GRIP1: variants seen among roughly 807,000 people sequenced by gnomAD.
GRIP1 encodes glutamate receptor interacting protein 1.
A neutral mutation model predicts 129.9 loss-of-function variants in GRIP1; 45 were observed. That is an observed-to-expected ratio of 0.35 (90% confidence interval 0.27 to 0.44). GRIP1 has a LOEUF of 0.44. Ranked by LOEUF, GRIP1 falls within the 20% of genes least tolerant of loss-of-function variation. GRIP1 has a pLI of 1.00. For synonymous variants in GRIP1, 530 were observed against 520.8 expected, an observed-to-expected ratio of 1.02 and a Z score of -0.24; for missense variants, 1,196 against 1,396.8, an observed-to-expected ratio of 0.86 and a Z score of 2.29.
intron 1 of GRIP1, among the ~76,000 whole-genome samples, chr12:67,058,719 C>T (rs1427076106): frequency 6.6e-6 from 1 of 152,194 alleles, no homozygotes; most frequent in African/African-American, 2.4e-5. Flanking sequence ...GCTGTTTAAC[C>T]ATTTCTATTT....
chr12:66,916,064 T>C (rs890811755), intron 1 of GRIP1, among the ~76,000 whole-genome samples: 2 of 152,352 alleles, frequency 1.3e-5, no homozygotes, highest in Admixed American at 6.5e-5. Context: ...TGCACGCATG[T>C]GTGGGCACAC....
intron 1 of GRIP1, among the ~76,000 whole-genome samples, chr12:66,748,088 G>A (rs1592804515): frequency 6.6e-6 from 1 of 151,712 alleles, no homozygotes; most frequent in Non-Finnish European, 1.5e-5. Flanking sequence ...GCACAATCTC[G>A]GCTCACTGCA....
At chr12:66,526,195 A>T (rs2061231872) in intron 5 of GRIP1, among the ~76,000 whole-genome samples, 2 of 150,872 alleles carry the variant, frequency 1.3e-5, no homozygotes, top group African/African-American at 4.9e-5. Flanking sequence ...GTTCATATGG[A>T]ACCAAAAAAG....
intron 1 of GRIP1, among the ~76,000 whole-genome samples, chr12:66,785,331 C>CATATATATATAT (rs1180271589): frequency 2.3e-3 from 81 of 34,980 alleles, no homozygotes; most frequent in African/African-American, 4.6e-3. Flanking sequence ...TACATACATA[C>CATATATATATAT]ATACATACAT....
intron 7 of GRIP1, among the ~76,000 whole-genome samples, chr12:66,477,051 T>A (rs1414148711): frequency 1.3e-5 from 2 of 152,126 alleles, no homozygotes; most frequent in Admixed American, 6.6e-5. Context: ...GAGAAATAAA[T>A]AAAGGGTATT....
intron 1 of GRIP1, among the ~76,000 whole-genome samples, chr12:66,650,965 T>G (rs978872969): frequency 1.3e-5 from 2 of 152,120 alleles, no homozygotes; most frequent in Admixed American, 1.3e-4. Flanking sequence ...AATATCCAAC[T>G]CATAGCACTG....
Position 66,981,381 on chromosome 12 carries a change from C to T in GRIP1, c.58+87669G>A, listed in dbSNP as rs572962404. On this transcript the variant is annotated intron_variant, in intron 1 of 1. Transcript: ENST00000643019. Reference sequence around the variant, plus strand: ...ATTTTTACATCTGTCTCCCTCAGAGCAACTTCCTTGGTTCCTTGCATAAAG... The same window carrying T: ...ATTTTTACATCTGTCTCCCTCAGAGTAACTTCCTTGGTTCCTTGCATAAAG... Among the ~76,000 whole-genome samples the T allele has an allele frequency of 2.0e-5, 3 of 152,326 alleles. No homozygotes were observed. The South Asian group carries it at 6.2e-4, about 32-fold the overall frequency.
At chr12:66,670,238 T>C (rs1276822656) in intron 1 of GRIP1, among the ~76,000 whole-genome samples, 2 of 152,214 alleles carry the variant, frequency 1.3e-5, no homozygotes, top group Non-Finnish European at 2.9e-5. Context: ...TTCAACTATT[T>C]TCTCCATATA....
At chr12:67,064,973 A>G (rs1218503144) in intron 1 of GRIP1, 2 of 137,226 alleles carry the variant, frequency 1.5e-5, no homozygotes, top group Non-Finnish European at 3.0e-5. Context: ...TCATTGTTCA[A>G]TTCCCACCTA....
chr12:67,068,856 C>T (rs1413852726), intron 1 of GRIP1, among the ~76,000 whole-genome samples: 6 of 56,688 alleles, frequency 1.1e-4, no homozygotes, highest in African/African-American at 4.5e-4. Context: ...TCATCCCGCC[C>T]CCCCCCCCCC....
intron 1 of GRIP1, among the ~76,000 whole-genome samples, chr12:66,720,254 T>C (rs1377873191): frequency 2.0e-5 from 3 of 152,182 alleles, no homozygotes; most frequent in African/African-American, 7.2e-5. Flanking sequence ...ACATTATATC[T>C]AAAAAGCAAT....
intron 5 of GRIP1, among the ~76,000 whole-genome samples, chr12:66,524,365 T>C (rs1370538733): frequency 6.6e-6 from 1 of 152,130 alleles, no homozygotes; most frequent in Admixed American, 6.5e-5. Flanking sequence ...GAACTCAGGA[T>C]TAAGAAACTC....
At chr12:66,369,084 T>C (rs1254866625) in intron 23 of GRIP1, among the ~76,000 whole-genome samples, 1 of 152,208 alleles carries the variant, frequency 6.6e-6, no homozygotes, top group African/African-American at 2.4e-5. Context: ...TTTAGAGCCT[T>C]ATTTTGTTGG....
intron 1 of GRIP1, among the ~76,000 whole-genome samples, chr12:66,652,161 G>A (rs1421775911): frequency 6.6e-6 from 1 of 152,128 alleles, no homozygotes; most frequent in Non-Finnish European, 1.5e-5. Context: ...AAATGGGTTG[G>A]CTGTGTCCCC....
rs978013900 is a variant in GRIP1 at position 66,584,797 on chromosome 12, C to G, written c.136+12050G>C. On this transcript the variant is annotated intron_variant, in intron 2 of 24. Coordinates refer to ENST00000359742, the MANE Select transcript of GRIP1 (RefSeq NM_001366722.1). ...CTCTGACAGTGTCCTAGGTAATCCA[C>G]TCTCCCAGTCTTTGAAATGATACCT... Among the ~76,000 whole-genome samples the G allele has an allele frequency of 3.9e-5, 6 of 152,148 alleles. No individual in the cohort carries two copies. The East Asian group carries it at 9.7e-4, about 25-fold the overall frequency.
chr12:66,799,605 T>A lies in GRIP1; in HGVS notation c.-420+4448A>T, dbSNP rs541231795. Among the ~76,000 whole-genome samples, 10 of 152,282 alleles carry A rather than the reference T, an allele frequency of 6.6e-5. No individual in the cohort carries two copies. The East Asian group carries it at 1.2e-3, about 18-fold the overall frequency. ...CTCTTCCCTGTCATCCCCCACAGAC[T>A]GAGGAAGGCAAGACTCCCTTTGATT... On this transcript the variant is annotated intron_variant, in intron 1 of 4. Coordinates refer to the GRIP1 transcript ENST00000538373.
At chr12:67,041,320 G>T (rs557789624) in intron 1 of GRIP1, among the ~76,000 whole-genome samples, 2 of 151,530 alleles carry the variant, frequency 1.3e-5, no homozygotes, top group South Asian at 2.1e-4. Flanking sequence ...ATATATACAC[G>T]TGTGTATGTG....
At chr12:66,610,942 T>C (rs557724670) in intron 1 of GRIP1, among the ~76,000 whole-genome samples, 1 of 152,262 alleles carries the variant, frequency 6.6e-6, no homozygotes, top group Non-Finnish European at 1.5e-5. Context: ...TGGGTACTGA[T>C]TTTAAGCACA....
At chr12:66,626,229 A>ACC (rs2030017069) in intron 1 of GRIP1, among the ~76,000 whole-genome samples, 17 of 151,858 alleles carry the variant, frequency 1.1e-4, no homozygotes, top group African/African-American at 1.9e-4. Context: ...GCTCCCAGCT[A>ACC]CTTGGGAGGC....
Sources: allele counts gnomAD v4.1 joint callset (sites outside exome capture counted in the v4.1 genomes callset), GRCh38; gene constraint gnomAD v4.1.1; transcripts MANE v1.5; gene names NCBI Gene and HGNC (gene_info 2026-07-23, HGNC 2026-07-21).